USP7: variants seen among roughly 807,000 people sequenced by gnomAD.
The protein encoded by USP7 is ubiquitin C-terminal hydrolase 7.
In USP7, 9 loss-of-function variants were observed where a neutral mutation model predicts 162.9. The ratio of observed to expected loss-of-function variants is 0.06; its 90% CI spans 0.03 to 0.10. The LOEUF is 0.10. USP7 is among the 10% of genes least tolerant of loss of function. The pLI is 1.00. For synonymous variants in USP7, 562 were observed against 475.9 expected, an observed-to-expected ratio of 1.18 and a Z score of -2.35; for missense variants, 715 against 1,373.7, an observed-to-expected ratio of 0.52 and a Z score of 7.58.
At chr16:8,951,966 G>T (rs910077381) in intron 1 of USP7, among the ~76,000 whole-genome samples, 1 of 152,222 alleles carries the variant, frequency 6.6e-6, no homozygotes, top group Admixed American at 6.5e-5. Context: ...AAGCATGTGG[G>T]GAACCACACC....
At chr16:8,899,528 T>C in intron 22 of USP7, 76 bp downstream of exon 22, 1 of 1,567,428 alleles carries the variant, frequency 6.4e-7, no homozygotes, top group Non-Finnish European at 8.7e-7. Flanking sequence ...AGATAGCTTC[T>C]TCAACAAGCA....
At chr16:8,925,399 A>C (rs1053767501) in intron 2 of USP7, among the ~76,000 whole-genome samples, 4 of 152,208 alleles carry the variant, frequency 2.6e-5, no homozygotes, top group African/African-American at 9.7e-5. Context: ...AGGACCTAAA[A>C]AGCTGAAAGA....
chr16:8,905,266 A>G lies in USP7; in HGVS notation c.1494T>C (p.Tyr498=), dbSNP rs967150359. The G allele has an allele frequency of 1.5e-5, 24 of 1,614,184 alleles. No individual in the cohort carries two copies. The highest frequency in any genetic ancestry group is 1.9e-5 in the Non-Finnish European group (23 of 1,180,020). ...CAGACAGGTCGTCATCGTGACCCCCATAATTGTGCTCAATTGCTTCCTCTT... is the reference window on the plus strand; with the variant it reads ...CAGACAGGTCGTCATCGTGACCCCCGTAATTGTGCTCAATTGCTTCCTCTT... The part of the protein sequence containing the change: ...CTKEEAIEHN[Y]GGHDDDLSVR... The change falls in exon 14 of 31, where the codon TAT becomes TAC. Residue 498 remains tyrosine (Y), a synonymous_variant. Coordinates refer to ENST00000344836, the MANE Select transcript of USP7 (RefSeq NM_003470.3).
chr16:8,919,981 G>C (rs928984731), intron 5 of USP7, among the ~76,000 whole-genome samples: 2 of 152,034 alleles, frequency 1.3e-5, no homozygotes, highest in Non-Finnish European at 1.5e-5. Context: ...TCTTCCCCCA[G>C]TCCCCCCTTC....
intron 1 of USP7, among the ~76,000 whole-genome samples, chr16:8,934,447 C>T (rs1238386478): frequency 1.3e-5 from 2 of 152,208 alleles, no homozygotes; most frequent in Non-Finnish European, 2.9e-5. Flanking sequence ...TTCAAGAGCG[C>T]ATAACATCTT....
chr16:8,955,704 CA>C (rs58029349), intron 1 of USP7, among the ~76,000 whole-genome samples: 37,210 of 101,062 alleles, frequency 0.37, 5,505 homozygotes, highest in Middle Eastern at 0.55. Context: ...GATTCCATCT[CA>C]AAAAAAAAAA....
chr16:8,934,880 G>A (rs1393605370), intron 1 of USP7, among the ~76,000 whole-genome samples: 6 of 152,182 alleles, frequency 3.9e-5, no homozygotes, highest in Non-Finnish European at 8.8e-5. Context: ...AGGAGATCCC[G>A]TTTTTAAAAG....
At chr16:8,933,719 G>C (rs368934250) in intron 1 of USP7, among the ~76,000 whole-genome samples, 1 of 151,704 alleles carries the variant, frequency 6.6e-6, no homozygotes, top group Non-Finnish European at 1.5e-5. Flanking sequence ...CAAAATGCTG[G>C]GATTACAGGC....
intron 1 of USP7, among the ~76,000 whole-genome samples, chr16:8,955,913 A>G (rs1156304767): frequency 2.0e-5 from 3 of 152,018 alleles, no homozygotes; most frequent in Non-Finnish European, 2.9e-5. Flanking sequence ...ACACCTCTCA[A>G]CTTTTTCTGA....
chr16:8,947,346 T>TA lies in USP7; in HGVS notation c.79+15860_79+15861insT, dbSNP rs1899331971. ...CTGGTTTATTGTTTTTCCACAGCAC[T>TA]CCCCCCCCCAACACACACACACACA... On this transcript the variant is annotated intron_variant, in intron 1 of 30. Transcript: ENST00000344836. Among the ~76,000 whole-genome samples, 3 of 148,076 alleles carry TA rather than the reference T, an allele frequency of 2.0e-5. No homozygotes were observed. In the South Asian group the frequency reaches 6.5e-4, roughly 32 times the overall value.
intron 12 of USP7, among the ~76,000 whole-genome samples, chr16:8,907,612 T>A (rs529051989): frequency 1.3e-5 from 2 of 152,218 alleles, no homozygotes; most frequent in East Asian, 3.9e-4. Context: ...TCCCAGCACT[T>A]TGGGAGGCTG....
intron 1 of USP7, among the ~76,000 whole-genome samples, chr16:8,948,680 T>C (rs373928132): frequency 3.3e-5 from 5 of 152,166 alleles, no homozygotes; most frequent in Non-Finnish European, 5.9e-5. Flanking sequence ...CTGGCTACGA[T>C]GTGGATGAAC....
chr16:8,942,452 C>T (rs2141250831), intron 1 of USP7, among the ~76,000 whole-genome samples: 1 of 152,364 alleles, frequency 6.6e-6, no homozygotes, highest in Admixed American at 6.5e-5. Flanking sequence ...ACCTGCACCT[C>T]ACCCCAGCCT....
rs540852714 is a variant in USP7 at position 8,913,079 on chromosome 16, G to T, written c.1078+2175C>A. Among the ~76,000 whole-genome samples the T allele has an allele frequency of 4.5e-4, 68 of 152,324 alleles. 1 individual carries two copies. The highest frequency in any genetic ancestry group is 1.5e-3 in the African/African-American group (63 of 41,584). On this transcript the variant is annotated intron_variant, in intron 10 of 30. Coordinates refer to ENST00000344836, the MANE Select transcript of USP7 (RefSeq NM_003470.3). ...AACCTTAAAAGCACATGGGGGGCTG[G>T]GCACGGTGGCTCACACCTGTAATCC...
chr16:8,912,319 G>T (rs2061959752), intron 10 of USP7, among the ~76,000 whole-genome samples: 1 of 152,004 alleles, frequency 6.6e-6, no homozygotes, highest in Admixed American at 6.5e-5. Flanking sequence ...GGGTGTGGTG[G>T]TGGGCACCTG....
intron 2 of USP7, among the ~76,000 whole-genome samples, chr16:8,928,569 C>G (rs1898142863): frequency 6.6e-6 from 1 of 152,220 alleles, no homozygotes; most frequent in South Asian, 2.1e-4. Flanking sequence ...CTGGAAAACG[C>G]TGCCCTCAGC....
At chr16:8,954,266 A>C (rs938955044) in intron 1 of USP7, among the ~76,000 whole-genome samples, 6 of 151,412 alleles carry the variant, frequency 4.0e-5, no homozygotes, top group Non-Finnish European at 7.4e-5. Context: ...TGCCACTGGA[A>C]GCAGAGGCTT....
At chr16:8,959,058 C>T (rs1899909682) in intron 1 of USP7, among the ~76,000 whole-genome samples, 1 of 152,180 alleles carries the variant, frequency 6.6e-6, no homozygotes, top group South Asian at 2.1e-4. Flanking sequence ...ACCACCAAGG[C>T]AACACCATGT....
chr16:8,934,899 A>G (rs1424366147), intron 1 of USP7, among the ~76,000 whole-genome samples: 1 of 152,248 alleles, frequency 6.6e-6, no homozygotes, highest in Non-Finnish European at 1.5e-5. Context: ...AGCTCCTCAT[A>G]AATGAGTTAG....
Sources: allele counts gnomAD v4.1 joint callset (sites outside exome capture counted in the v4.1 genomes callset), GRCh38; gene constraint gnomAD v4.1.1; transcripts MANE v1.5; gene names NCBI Gene and HGNC (gene_info 2026-07-23, HGNC 2026-07-21).